The following SGCZ variants were observed in gnomAD, a reference collection of about 807,000 sequenced individuals.
SGCZ encodes sarcoglycan zeta.
In SGCZ, 40 loss-of-function variants were observed where a neutral mutation model predicts 41.3. The ratio of observed to expected loss-of-function variants is 0.97; its 90% CI spans 0.75 to 1.26. SGCZ has a LOEUF of 1.26. SGCZ is among the 50% of genes most tolerant of loss of function. The pLI, the probability that SGCZ is intolerant of heterozygous loss-of-function variation, is 0.00. For synonymous variants in SGCZ, 206 were observed against 137.5 expected, an observed-to-expected ratio of 1.50 and a Z score of -3.49; for missense variants, 552 against 369.8, an observed-to-expected ratio of 1.49 and a Z score of -4.04.
intron 1 of SGCZ, among the ~76,000 whole-genome samples, chr8:14,702,805 GTAGTTAGGTAGATAGATAGATAGATAGA>G (rs1563212833): frequency 7.4e-6 from 1 of 135,166 alleles, no homozygotes; most frequent in African/African-American, 2.7e-5. Flanking sequence ...AGACAGGTAG[GTAGTTAGGTAGATAGATAGATAGATAGA>G]TAGATAGATA....
intron 1 of SGCZ, among the ~76,000 whole-genome samples, chr8:14,801,889 T>C (rs187647016): frequency 1.3e-5 from 2 of 152,182 alleles, no homozygotes; most frequent in African/African-American, 4.8e-5. Context: ...AGTTTCCTAA[T>C]GAGAAACTGA....
rs1475318307 is a variant in SGCZ at position 14,885,693 on chromosome 8, A to C, written c.40-330767T>G. On this transcript the variant is annotated intron_variant, in intron 1 of 7. Coordinates refer to ENST00000382080, the MANE Select transcript of SGCZ (RefSeq NM_139167.4). Reference sequence around the variant, plus strand: ...CACACAGAAAAGGCCCAGTAATTGTAGGACTCAAGTGATGCATGATTTTAA... The same window carrying C: ...CACACAGAAAAGGCCCAGTAATTGTCGGACTCAAGTGATGCATGATTTTAA... 2.6e-5 allele frequency among the ~76,000 whole-genome samples: 4 copies of C among 152,120 alleles called. No individual in the cohort carries two copies. The South Asian group carries it at 6.2e-4, about 24-fold the overall frequency.
chr8:15,057,420 T>C (rs957408379), intron 1 of SGCZ, among the ~76,000 whole-genome samples: 22 of 152,152 alleles, frequency 1.4e-4, no homozygotes, highest in South Asian at 2.1e-4. Flanking sequence ...AAGATTTCAA[T>C]ACTATTGCAT....
chr8:14,637,575 G>GTT (rs34312769), intron 1 of SGCZ, among the ~76,000 whole-genome samples: 121 of 151,298 alleles, frequency 8.0e-4, no homozygotes, highest in African/African-American at 2.5e-3. Context: ...TGCAGTATTT[G>GTT]TTTTTTTTGT....
At chr8:14,619,831 G>A (rs1806225512) in intron 1 of SGCZ, among the ~76,000 whole-genome samples, 1 of 152,152 alleles carries the variant, frequency 6.6e-6, no homozygotes, top group Admixed American at 6.5e-5. Context: ...CTCATGTACA[G>A]GAAGAATCAA....
At chr8:14,678,578 T>C (rs1022518717) in intron 1 of SGCZ, among the ~76,000 whole-genome samples, 2 of 152,224 alleles carry the variant, frequency 1.3e-5, no homozygotes, top group Admixed American at 6.5e-5. Context: ...TTCTCATCCA[T>C]TGCTGGTAAG....
chr8:14,645,484 G>GTATATA lies in SGCZ; in HGVS notation c.40-90564_40-90559dup, dbSNP rs71209072. 4.8e-3 allele frequency among the ~76,000 whole-genome samples: 650 copies of GTATATA among 135,800 alleles called. 14 individuals carry two copies. The highest frequency in any genetic ancestry group is 0.011 in the Admixed American group (141 of 13,090). 89.1% of individuals were successfully genotyped at this position (135,800 alleles called of 152,430 possible). On this transcript the variant is annotated intron_variant, in intron 1 of 7. Coordinates refer to ENST00000382080, the MANE Select transcript of SGCZ (RefSeq NM_139167.4). ...ATTGATTATATATATATATTTATAT[G>GTATATA]TATATATATATATATATGGCACATA...
At chr8:14,715,892 G>A (rs780425660) in intron 1 of SGCZ, among the ~76,000 whole-genome samples, 4 of 152,068 alleles carry the variant, frequency 2.6e-5, no homozygotes, top group Non-Finnish European at 5.9e-5. Context: ...GTAGGAGCTG[G>A]CATGAACACA....
At chr8:14,380,837 C>G (rs987008951) in intron 2 of SGCZ, among the ~76,000 whole-genome samples, 1 of 151,738 alleles carries the variant, frequency 6.6e-6, no homozygotes, top group Non-Finnish European at 1.5e-5. Context: ...CCAGCCTGGG[C>G]AACAGAGTGA....
intron 3 of SGCZ, among the ~76,000 whole-genome samples, chr8:14,313,904 A>ATCTC (rs201354658): frequency 1.4e-4 from 19 of 133,846 alleles, no homozygotes; most frequent in East Asian, 6.9e-4. Flanking sequence ...GGGTTATATC[A>ATCTC]TCTCTCTGTG....
intron 1 of SGCZ, among the ~76,000 whole-genome samples, chr8:14,580,857 C>T (rs572941718): frequency 6.6e-6 from 1 of 152,206 alleles, no homozygotes; most frequent in African/African-American, 2.4e-5. Context: ...CAGGCTCCAG[C>T]GATAGAAACA....
At chr8:14,892,184 A>T (rs1364063420) in intron 1 of SGCZ, among the ~76,000 whole-genome samples, 1 of 152,294 alleles carries the variant, frequency 6.6e-6, no homozygotes. Context: ...CTTACTTGCT[A>T]TCTCAAGTCA....
At chr8:14,580,670 G>C (rs1414332120) in intron 1 of SGCZ, among the ~76,000 whole-genome samples, 1 of 152,174 alleles carries the variant, frequency 6.6e-6, no homozygotes, top group Non-Finnish European at 1.5e-5. Context: ...CAAAATTAGA[G>C]TTTAAAACAT....
At chr8:14,654,122 C>T (rs541156335) in intron 1 of SGCZ, among the ~76,000 whole-genome samples, 45 of 150,764 alleles carry the variant, frequency 3.0e-4, no homozygotes, top group Middle Eastern at 3.4e-3. Flanking sequence ...TATATATATA[C>T]ACACACACAC....
chr8:14,523,194 A>G (rs1055117615), intron 2 of SGCZ, among the ~76,000 whole-genome samples: 1 of 152,044 alleles, frequency 6.6e-6, no homozygotes, highest in Non-Finnish European at 1.5e-5. Context: ...CATAAAATAT[A>G]ATTTAGAAAA....
intron 1 of SGCZ, among the ~76,000 whole-genome samples, chr8:14,864,013 C>T (rs781648627): frequency 1.3e-5 from 2 of 152,166 alleles, no homozygotes; most frequent in African/African-American, 2.4e-5. Flanking sequence ...AAGTTTAAAA[C>T]AGAACGCGAC....
intron 4 of SGCZ, among the ~76,000 whole-genome samples, chr8:14,168,887 G>A (rs990636915): frequency 6.6e-6 from 1 of 152,126 alleles, no homozygotes; most frequent in African/African-American, 2.4e-5. Flanking sequence ...CTTACTATAT[G>A]CTAGGCAGCA....
At chr8:14,211,438 G>A (rs1302264628) in intron 4 of SGCZ, among the ~76,000 whole-genome samples, 4 of 152,248 alleles carry the variant, frequency 2.6e-5, no homozygotes, top group East Asian at 3.9e-4. Flanking sequence ...GACATCTTAT[G>A]AACAGATTTC....
chr8:15,004,807 G>C (rs17655063), intron 1 of SGCZ, among the ~76,000 whole-genome samples: 4,411 of 152,166 alleles, frequency 0.029, 147 homozygotes, highest in East Asian at 0.16. Context: ...AGACGCAAAA[G>C]TTTTTCTGAC....
Sources: gnomAD v4.1 joint callset for allele counts (sites outside exome capture counted in the v4.1 genomes callset) on GRCh38, gnomAD v4.1.1 for gene constraint, MANE v1.5 for transcripts, NCBI Gene and HGNC (gene_info 2026-07-23, HGNC 2026-07-21) for gene names.